The following ZDHHC20 variants were observed in gnomAD, a reference collection of about 807,000 sequenced individuals.
ZDHHC20 encodes zDHHC palmitoyltransferase 20, also known as palmitoyltransferase ZDHHC20.
ZDHHC20 carries 43 observed loss-of-function variants against 57.8 expected under a neutral mutation model. That is an observed-to-expected ratio of 0.74 (90% CI 0.58 to 0.96). The LOEUF is 0.96. Among genes scored for constraint, ZDHHC20 ranks in the 40% least tolerant of loss-of-function variants. ZDHHC20 has a pLI of 0.00. For missense variants in ZDHHC20, 391 were observed against 441.1 expected, an observed-to-expected ratio of 0.89 and a Z score of 1.02; for synonymous variants, 157 against 153.0, an observed-to-expected ratio of 1.03 and a Z score of -0.19.
chr13:21,410,132 A>C (rs531737870), intron 4 of ZDHHC20, among the ~76,000 whole-genome samples: 6 of 152,310 alleles, frequency 3.9e-5, no homozygotes, highest in Admixed American at 2.0e-4. Context: ...TCCTTCTAAC[A>C]GTCAGGCCCC....
At chr13:21,447,441 C>G (rs1028151320) in intron 1 of ZDHHC20, among the ~76,000 whole-genome samples, 2 of 148,144 alleles carry the variant, frequency 1.4e-5, no homozygotes, top group Admixed American at 6.8e-5. Flanking sequence ...TGCAGGCACG[C>G]GCCGCCACGC....
At chr13:21,376,983 A>C (rs999244062) in intron 12 of ZDHHC20, 2 of 175,092 alleles carry the variant, frequency 1.1e-5, no homozygotes, top group African/African-American at 4.7e-5. Flanking sequence ...AAAACTTCCC[A>C]CAGCAACTGT....
intron 1 of ZDHHC20, among the ~76,000 whole-genome samples, chr13:21,441,391 CT>C (rs1405638106): frequency 4.9e-4 from 70 of 143,608 alleles, no homozygotes; most frequent in Non-Finnish European, 5.2e-4. Context: ...TCTTTTCTCT[CT>C]TTTTTTTTTT....
intron 11 of ZDHHC20, among the ~76,000 whole-genome samples, chr13:21,380,140 G>C (rs1379379876): frequency 6.9e-6 from 1 of 144,336 alleles, no homozygotes; most frequent in Non-Finnish European, 1.5e-5. Flanking sequence ...CCCCGAGATG[G>C]AGTCTCACTC....
At position 21,376,136 on chromosome 13, in the gene ZDHHC20, AT is replaced by A. The variant is rs1872035486; in HGVS notation, c.*559del. The A allele has an allele frequency of 6.6e-6, 1 of 152,248 alleles. No individual in the cohort carries two copies. Among genetic ancestry groups the A allele is most frequent in the African/African-American group, 2.4e-5 (1 of 41,452 alleles). The allele number at this position is 152,248 out of a possible 1,614,324, so 9.4% of individuals were successfully genotyped here. ...GTTATAGCCAACAATAAAAAAAGTT[AT>A]TAAAAATGTTGAAAAGTATAAAATA... On this transcript the variant is annotated 3_prime_UTR_variant, in exon 13 of 13. Transcript: ENST00000400590.
In ZDHHC20 at chr13:21,434,087, CGT is replaced by C. The variant is rs4062876; in HGVS notation, c.119-8411_119-8410del. ...CAACAGGGTTTGTTTTCCTTTCCTA[CGT>C]GTGTGTGTGTGTGTGTCTGTGTGTC... On this transcript the variant is annotated intron_variant, in intron 1 of 12. Coordinates refer to ENST00000400590, the MANE Select transcript of ZDHHC20 (RefSeq NM_001330059.2). 3.0e-3 allele frequency among the ~76,000 whole-genome samples: 446 copies of C among 150,648 alleles called. 1 individual carries two copies. The highest frequency in any genetic ancestry group is 1.0e-2 in the African/African-American group (410 of 41,102).
rs574605807 is a variant in ZDHHC20, at chr13:21,453,195, G to A, written c.118+5859C>T. On this transcript the variant is annotated intron_variant, in intron 1 of 12. Transcript: ENST00000400590. ...TTAATATCTGCCAAAGCAGATTTCA[G>A]AGTAAACAATATCACCAGGGGTAAT... 2.6e-5 allele frequency among the ~76,000 whole-genome samples: 4 copies of A among 152,320 alleles called. No individual in the cohort carries two copies. In the South Asian group the frequency reaches 8.3e-4, roughly 32 times the overall value.
At chr13:21,408,359 G>T (rs560862439) in intron 4 of ZDHHC20, among the ~76,000 whole-genome samples, 1 of 152,160 alleles carries the variant, frequency 6.6e-6, no homozygotes, top group East Asian at 1.9e-4. Flanking sequence ...TTATTCCTAG[G>T]TATTTTATTA....
At chr13:21,384,457 C>CAAAAAA (rs11358320) in intron 9 of ZDHHC20, among the ~76,000 whole-genome samples, 1 of 76,138 alleles carries the variant, frequency 1.3e-5, no homozygotes, top group Non-Finnish European at 2.4e-5. Context: ...ACTCTATCTC[C>CAAAAAA]AAAAAAAAAA....
At chr13:21,451,307 C>T (rs1218579842) in intron 1 of ZDHHC20, among the ~76,000 whole-genome samples, 1 of 152,028 alleles carries the variant, frequency 6.6e-6, no homozygotes, top group Non-Finnish European at 1.5e-5. Flanking sequence ...GTTTGTGTGT[C>T]CTAACATTCA....
chr13:21,447,290 C>G (rs12584847), intron 1 of ZDHHC20, among the ~76,000 whole-genome samples: 37,598 of 147,390 alleles, frequency 0.26, 5,665 homozygotes, highest in South Asian at 0.33. Flanking sequence ...CTCCCTCTCC[C>G]TCTCCCTCTC....
chr13:21,401,443 C>T (rs1162227206), intron 6 of ZDHHC20, among the ~76,000 whole-genome samples: 4 of 152,020 alleles, frequency 2.6e-5, no homozygotes, highest in Non-Finnish European at 4.4e-5. Flanking sequence ...AATGTTAATT[C>T]TTAATACATT....
At chr13:21,442,501 TC>T (rs1182507424) in intron 1 of ZDHHC20, among the ~76,000 whole-genome samples, 1 of 152,218 alleles carries the variant, frequency 6.6e-6, no homozygotes, top group African/African-American at 2.4e-5. Context: ...ATGCCCGTAA[TC>T]CCAGCACTTT....
chr13:21,398,187 G>A (rs1472410347), intron 7 of ZDHHC20, among the ~76,000 whole-genome samples: 1 of 152,104 alleles, frequency 6.6e-6, no homozygotes, highest in Non-Finnish European at 1.5e-5. Context: ...CAAACAGGTT[G>A]GGCGCGGTGG....
rs74039320 is a variant in ZDHHC20, at chr13:21,413,632, A to G, written c.370+20T>C. 1,310 of 1,572,296 alleles carry G rather than the reference A, an allele frequency of 8.3e-4. 16 individuals carry two copies. The African/African-American group carries it at 0.016, about 19-fold the overall frequency. ...TACTTTAAAAATCATTTGAAAAGGA[A>G]AACTTATTCTTTTTCTTACTTTTTG... is the stretch of plus-strand genomic sequence containing the variant. On this transcript the variant is annotated intron_variant, in intron 4 of 12. Coordinates refer to ENST00000400590, the MANE Select transcript of ZDHHC20 (RefSeq NM_001330059.2).
intron 4 of ZDHHC20, among the ~76,000 whole-genome samples, chr13:21,403,667 GAA>G (rs1325363320): frequency 6.6e-6 from 1 of 152,148 alleles, no homozygotes; most frequent in African/African-American, 2.4e-5. Flanking sequence ...CCCTCAGGGA[GAA>G]AGAAGTTGCT....
chr13:21,396,653 C>T (rs748013982), intron 7 of ZDHHC20, among the ~76,000 whole-genome samples: 6 of 151,558 alleles, frequency 4.0e-5, no homozygotes, highest in Non-Finnish European at 7.4e-5. Flanking sequence ...GCCAACATGG[C>T]GAAACCCTGT....
chr13:21,415,249 G>A (rs753556676), intron 3 of ZDHHC20, among the ~76,000 whole-genome samples: 4 of 152,130 alleles, frequency 2.6e-5, no homozygotes, highest in African/African-American at 7.2e-5. Flanking sequence ...AGTAAAATAC[G>A]GGTCTTCTGT....
In ZDHHC20 at chr13:21,410,887, G is replaced by A. The variant is rs565365106; in HGVS notation, c.370+2765C>T. On this transcript the variant is annotated intron_variant, in intron 4 of 12. Coordinates refer to ENST00000400590, the MANE Select transcript of ZDHHC20 (RefSeq NM_001330059.2). ...GAAGGAACAGTTCTGTCTTGCTGGCGTGCCAGGTGCCACTGGGGTACGAAA... is the reference window on the plus strand; with the variant it reads ...GAAGGAACAGTTCTGTCTTGCTGGCATGCCAGGTGCCACTGGGGTACGAAA... Among the ~76,000 whole-genome samples, 18 of 152,242 alleles carry A rather than the reference G, an allele frequency of 1.2e-4. No individual in the cohort carries two copies. In the East Asian group the frequency reaches 1.5e-3, roughly 13 times the overall value.
Sources: gnomAD v4.1 joint callset for allele counts (sites outside exome capture counted in the v4.1 genomes callset) on GRCh38, gnomAD v4.1.1 for gene constraint, MANE v1.5 for transcripts, NCBI Gene and HGNC (gene_info 2026-07-23, HGNC 2026-07-21) for gene names.